The following ABR variants were observed in gnomAD, a reference collection of about 807,000 sequenced individuals.
The protein encoded by ABR is ABR activator of RhoGEF and GTPase.
In ABR, 35 loss-of-function variants were observed where a neutral mutation model predicts 107.2. That is an observed-to-expected ratio of 0.33 (90% CI 0.25 to 0.43). ABR has a LOEUF of 0.43. Among genes scored for constraint, ABR ranks in the 20% least tolerant of loss-of-function variants. The pLI is 1.00. For missense variants in ABR, 815 were observed against 1,115.2 expected (o/e 0.73, Z 3.83); for synonymous variants, 498 against 462.0 (o/e 1.08, Z -1.00).
At chr17:1,162,463 G>C (rs376153079) in intron 1 of ABR, among the ~76,000 whole-genome samples, 5 of 152,214 alleles carry the variant, frequency 3.3e-5, no homozygotes, top group African/African-American at 9.6e-5. Flanking sequence ...AGGCTGGGAT[G>C]TGGTACCCCC....
intron 1 of ABR, among the ~76,000 whole-genome samples, chr17:1,175,924 T>C (rs1016464729): frequency 2.6e-5 from 4 of 152,096 alleles, no homozygotes; most frequent in Non-Finnish European, 5.9e-5. Flanking sequence ...ACCCCGTCTC[T>C]ACTAAAAACA....
intron 10 of ABR, among the ~76,000 whole-genome samples, chr17:1,063,950 T>C (rs1284765357): frequency 8.8e-5 from 13 of 148,454 alleles, no homozygotes; most frequent in Non-Finnish European, 1.2e-4. Flanking sequence ...ACTGTTGTTA[T>C]GTGAACTGAG....
intron 16 of ABR, among the ~76,000 whole-genome samples, chr17:1,014,377 C>G (rs1451692340): frequency 7.2e-6 from 1 of 138,556 alleles, no homozygotes; most frequent in Non-Finnish European, 1.6e-5. Context: ...GGAGGCAGAG[C>G]TTGCAGTGAG....
At chr17:1,202,447 G>A (rs962073162) in intron 1 of ABR, among the ~76,000 whole-genome samples, 3 of 152,084 alleles carry the variant, frequency 2.0e-5, no homozygotes, top group Non-Finnish European at 4.4e-5. Context: ...AAATTCAAAG[G>A]GGATCCCGGC....
At chr17:1,099,155 G>A (rs997496318) in intron 3 of ABR, among the ~76,000 whole-genome samples, 2 of 150,790 alleles carry the variant, frequency 1.3e-5, no homozygotes, top group Non-Finnish European at 3.0e-5. Flanking sequence ...AGCTCACTAC[G>A]ACCTTCGCCC....
intron 14 of ABR, chr17:1,055,812 C>G (rs369342823): frequency 3.8e-6 from 2 of 520,766 alleles, no homozygotes; most frequent in African/African-American, 1.9e-5. Context: ...CAGGGGTGAG[C>G]CACCGCGCCC....
chr17:1,025,157 G>T (rs1451274070), intron 16 of ABR, among the ~76,000 whole-genome samples: 3 of 143,818 alleles, frequency 2.1e-5, no homozygotes, highest in Non-Finnish European at 1.5e-5. Flanking sequence ...TTGGCCGGGC[G>T]TGGTGGCGGG....
In ABR at chr17:1,197,063, C is replaced by G. The variant is rs892805342; in HGVS notation, c.838+31730G>C. 2.8e-4 allele frequency among the ~76,000 whole-genome samples: 43 copies of G among 151,702 alleles called. 3 individuals are homozygous for G. The highest frequency in any genetic ancestry group is 1.0e-3 in the African/African-American group (42 of 41,042). On this transcript the variant is annotated intron_variant, in intron 1 of 22. Coordinates refer to the ABR transcript ENST00000574139. ...TTCCCAAATGCTCCGGGAACCCCGG[C>G]TCCCCTGCAGTGCCTCCTGGACAGA...
At chr17:1,014,285 C>T (rs1365938699) in intron 16 of ABR, among the ~76,000 whole-genome samples, 1 of 135,540 alleles carries the variant, frequency 7.4e-6, no homozygotes, top group African/African-American at 2.8e-5. Context: ...ACTAAAAATA[C>T]AAAAAATTAG....
chr17:1,172,997 CAA>C (rs2041776670), intron 1 of ABR, among the ~76,000 whole-genome samples: 1 of 140,554 alleles, frequency 7.1e-6, no homozygotes, highest in African/African-American at 2.6e-5. Context: ...TCAGTCCACC[CAA>C]CACATCACCT....
At chr17:1,136,518 C>T (rs1246646405) in intron 1 of ABR, among the ~76,000 whole-genome samples, 5 of 152,188 alleles carry the variant, frequency 3.3e-5, no homozygotes, top group African/African-American at 7.2e-5. Flanking sequence ...CGTGAGCCAC[C>T]GCGCCTGGCC....
intron 16 of ABR, among the ~76,000 whole-genome samples, chr17:1,049,564 C>G (rs1413906661): frequency 2.0e-5 from 3 of 152,138 alleles, no homozygotes; most frequent in Admixed American, 2.0e-4. Context: ...GTCCGGCCAC[C>G]CTAACAACAA....
intron 16 of ABR, among the ~76,000 whole-genome samples, chr17:1,044,034 C>A (rs566396270): frequency 6.6e-6 from 1 of 152,322 alleles, no homozygotes; most frequent in East Asian, 1.9e-4. Context: ...CTCCTCAGGC[C>A]CAGCCCGCCA....
chr17:1,229,455 G>T (rs1340475990), exon 1 of ABR, among the ~76,000 whole-genome samples: 1 of 151,478 alleles, frequency 6.6e-6, no homozygotes, highest in Non-Finnish European at 1.5e-5. Flanking sequence ...CGCGGCCTGC[G>T]GGAGCGAGGC....
Position 1,007,252 on chromosome 17 carries a change from T to C in ABR, c.2403A>G (p.Gly801=), listed in dbSNP as rs776341273. The C allele has an allele frequency of 1.1e-5, 17 of 1,613,940 alleles. No homozygotes were observed. In the African/African-American group the frequency reaches 2.1e-4, roughly 20 times the overall value. Residue 801 remains glycine, a synonymous_variant, in exon 22 of 23, where the codon GGA becomes GGG. Coordinates refer to ENST00000302538, the MANE Select transcript of ABR (RefSeq NM_021962.5). The part of the protein sequence containing the change: ...MSLHNLATVF[G]PTLLRPSEVE... ...CTTCTGAGGGTCTCAGTAACGTGGG[T>C]CCAAACACGGTAGCCAGGTTGTGAA...
At chr17:1,103,392 G>A (rs993940273) in intron 2 of ABR, among the ~76,000 whole-genome samples, 1 of 152,264 alleles carries the variant, frequency 6.6e-6, no homozygotes, top group Admixed American at 6.5e-5. Context: ...CTTGACAAAT[G>A]GGAACTCATC....
At chr17:1,018,894 G>A (rs1232745443) in intron 16 of ABR, among the ~76,000 whole-genome samples, 2 of 152,234 alleles carry the variant, frequency 1.3e-5, no homozygotes, top group Non-Finnish European at 2.9e-5. Flanking sequence ...AGATGAGGAT[G>A]CTGCAGCTTA....
At position 1,037,834 on chromosome 17, in the gene ABR, G is replaced by A. The variant is rs1231215161; in HGVS notation, c.1791+12216C>T. ...TCCACCCAAGCTCCGAGCTCATGGT[G>A]GCCAGAAGCAAAGCCCTGGGAGCCA... On this transcript the variant is annotated intron_variant, in intron 16 of 22. Coordinates refer to ENST00000302538, the MANE Select transcript of ABR (RefSeq NM_021962.5). The surrounding 1 kb of genome is among the most constrained non-coding windows in gnomAD (Gnocchi z 4.6). Among the ~76,000 whole-genome samples the A allele has an allele frequency of 6.6e-6, 1 of 152,130 alleles. No individual in the cohort carries two copies. The highest frequency in any genetic ancestry group is 1.9e-4 in the East Asian group (1 of 5,188).
chr17:1,159,614 AATGCGGTACTCACGCACAAGGGAAGT>A (rs2041200256), intron 1 of ABR, among the ~76,000 whole-genome samples: 4 of 118,690 alleles, frequency 3.4e-5, no homozygotes, highest in African/African-American at 6.7e-5. Context: ...GAGAAGTAAG[AATGCGGTACTCACGCACAAGGGAAGT>A]ATGCGGTACT....
Sources: allele counts gnomAD v4.1 joint callset (sites outside exome capture counted in the v4.1 genomes callset), GRCh38; gene constraint gnomAD v4.1.1; non-coding constraint Gnocchi (gnomAD v3.1); transcripts MANE v1.5; gene names NCBI Gene and HGNC (gene_info 2026-07-23, HGNC 2026-07-21).